The following CNTNAP2 variants were observed in gnomAD, a reference collection of about 807,000 sequenced individuals.
The protein encoded by CNTNAP2 is contactin-associated protein-like 2.
In CNTNAP2, 98 loss-of-function variants were observed where a neutral mutation model predicts 155.2. That is an observed-to-expected ratio of 0.63 (90% CI 0.54 to 0.75). The LOEUF is 0.75. Among genes scored for constraint, CNTNAP2 ranks in the 30% least tolerant of loss-of-function variants. The probability of loss-of-function intolerance (pLI) is 0.00; values close to 1 mark genes in which losing one functional copy is unlikely to be tolerated. For missense variants in CNTNAP2, 1,727 were observed against 1,688.1 expected, an observed-to-expected ratio of 1.02 and a Z score of -0.40; for synonymous variants, 651 against 631.2, an observed-to-expected ratio of 1.03 and a Z score of -0.47.
At chr7:148,289,007 A>G (rs1241685535) in intron 21 of CNTNAP2, among the ~76,000 whole-genome samples, 1 of 151,588 alleles carries the variant, frequency 6.6e-6, no homozygotes, top group Non-Finnish European at 1.5e-5. Context: ...ATTTTTGAAT[A>G]CACAAGAGAA....
intron 10 of CNTNAP2, among the ~76,000 whole-genome samples, chr7:147,474,480 G>C (rs1798281140): frequency 6.6e-6 from 1 of 152,004 alleles, no homozygotes; most frequent in Non-Finnish European, 1.5e-5. Context: ...CTACTCAGGA[G>C]GCTGAGGCAG....
intron 1 of CNTNAP2, among the ~76,000 whole-genome samples, chr7:146,353,731 G>A (rs1794956367): frequency 1.3e-5 from 2 of 151,970 alleles, no homozygotes; most frequent in Non-Finnish European, 2.9e-5. Context: ...CCTGACAAAG[G>A]TAGTAGCAGC....
chr7:146,261,597 C>T (rs899676208), intron 1 of CNTNAP2, among the ~76,000 whole-genome samples: 1 of 152,026 alleles, frequency 6.6e-6, no homozygotes, highest in Admixed American at 6.6e-5. Flanking sequence ...GCTACTACAT[C>T]ACTCTACTCA....
At chr7:146,245,412 T>C (rs1799629535) in intron 1 of CNTNAP2, among the ~76,000 whole-genome samples, 1 of 152,084 alleles carries the variant, frequency 6.6e-6, no homozygotes, top group South Asian at 2.1e-4. Context: ...AGAGAGTAAG[T>C]TGAGCATAGT....
intron 9 of CNTNAP2, among the ~76,000 whole-genome samples, chr7:147,357,485 C>T (rs369644552): frequency 6.6e-6 from 1 of 152,084 alleles, no homozygotes; most frequent in South Asian, 2.1e-4. Context: ...GTTGATCCTA[C>T]ATGCAGCAGC....
chr7:147,446,797 A>G (rs1797747464), intron 10 of CNTNAP2, among the ~76,000 whole-genome samples: 1 of 152,214 alleles, frequency 6.6e-6, no homozygotes, highest in Non-Finnish European at 1.5e-5. Flanking sequence ...CTGGACATTA[A>G]TTATAATAGA....
rs574490679 is a variant in CNTNAP2, at chr7:147,976,579, G to A, written c.2256-1283G>A. ...TGAAAACAATGAAATAACTAAGGCA[G>A]TATATAATGCATTTATTTGAGGCCA... On this transcript the variant is annotated intron_variant, in intron 14 of 23. Coordinates refer to ENST00000361727, the MANE Select transcript of CNTNAP2 (RefSeq NM_014141.6). Among the ~76,000 whole-genome samples the A allele has an allele frequency of 1.2e-3, 177 of 152,318 alleles. 1 individual carries two copies. The highest frequency in any genetic ancestry group is 4.1e-3 in the African/African-American group (172 of 41,582).
intron 11 of CNTNAP2, chr7:147,496,621 GAGCGGTCC>G: frequency 6.6e-6 from 1 of 152,098 alleles, no homozygotes; most frequent in East Asian, 1.9e-4. Flanking sequence ...CTCCCCTCAG[GAGCGGTCC>G]AGCTGTGACT....
chr7:147,447,963 T>C (rs1409155357), intron 10 of CNTNAP2, among the ~76,000 whole-genome samples: 1 of 152,152 alleles, frequency 6.6e-6, no homozygotes, highest in Non-Finnish European at 1.5e-5. Context: ...ACAATTTTTA[T>C]AGGCAAATTA....
chr7:146,618,023 T>TA lies in CNTNAP2; in HGVS notation c.98-156241dup, dbSNP rs942284914. On this transcript the variant is annotated intron_variant, in intron 1 of 23. Transcript: ENST00000361727. The stretch of plus-strand genomic sequence containing the variant: ...TGTATAATCCTTAGGGTTAATTTTT[T>TA]AAAAAAAGTAAAGAAAAATAAAGAA... Among the ~76,000 whole-genome samples the TA allele has an allele frequency of 9.3e-4, 142 of 152,176 alleles. 1 individual carries two copies. Among genetic ancestry groups the TA allele is most frequent in the African/African-American group, 3.1e-3 (128 of 41,490 alleles).
chr7:146,502,972 C>G (rs569508406), intron 1 of CNTNAP2, among the ~76,000 whole-genome samples: 3 of 152,236 alleles, frequency 2.0e-5, no homozygotes, highest in Admixed American at 6.5e-5. Flanking sequence ...GTATTATTTT[C>G]ATATACTTGT....
chr7:147,594,605 C>T (rs1166589543), intron 12 of CNTNAP2, among the ~76,000 whole-genome samples: 2 of 152,114 alleles, frequency 1.3e-5, no homozygotes, highest in East Asian at 1.9e-4. Context: ...CTTCTCCACC[C>T]CTTCCAAGTC....
intron 4 of CNTNAP2, among the ~76,000 whole-genome samples, chr7:147,084,873 G>GTA (rs1011508798): frequency 6.7e-6 from 1 of 149,298 alleles, no homozygotes; most frequent in African/African-American, 2.5e-5. Context: ...GTTTGTGTGT[G>GTA]TATATATATG....
chr7:147,466,622 T>G (rs1433028596), intron 10 of CNTNAP2, among the ~76,000 whole-genome samples: 2 of 152,110 alleles, frequency 1.3e-5, no homozygotes, highest in East Asian at 3.9e-4. Context: ...CATCTGAGCA[T>G]CCTAGAAAAT....
intron 2 of CNTNAP2, among the ~76,000 whole-genome samples, chr7:146,836,477 T>C (rs553137635): frequency 1.1e-4 from 16 of 152,298 alleles, no homozygotes; most frequent in African/African-American, 3.8e-4. Context: ...TGACCCTTGA[T>C]CTAGGGTTTG....
chr7:148,326,288 C>T (rs1402917968), intron 21 of CNTNAP2, among the ~76,000 whole-genome samples: 2 of 152,090 alleles, frequency 1.3e-5, no homozygotes, highest in Admixed American at 6.5e-5. Flanking sequence ...TTCCATCATC[C>T]AGAGGGAAGC....
chr7:147,443,416 G>A (rs960844081), intron 10 of CNTNAP2, among the ~76,000 whole-genome samples: 3 of 152,194 alleles, frequency 2.0e-5, no homozygotes, highest in African/African-American at 7.2e-5. Context: ...GTGTCGTCAT[G>A]GCAATTAGTG....
intron 13 of CNTNAP2, among the ~76,000 whole-genome samples, chr7:147,764,392 C>T (rs1489422835): frequency 6.6e-6 from 1 of 152,206 alleles, no homozygotes; most frequent in Non-Finnish European, 1.5e-5. Flanking sequence ...TGAAAGCACA[C>T]TCCAAATACC....
chr7:147,706,319 C>T (rs183003656), intron 13 of CNTNAP2, among the ~76,000 whole-genome samples: 2 of 151,926 alleles, frequency 1.3e-5, no homozygotes, highest in Admixed American at 6.6e-5. Flanking sequence ...TAGGACCAGG[C>T]TAATGGTAAT....
Sources: allele counts gnomAD v4.1 joint callset (sites outside exome capture counted in the v4.1 genomes callset), GRCh38; gene constraint gnomAD v4.1.1; transcripts MANE v1.5; gene names NCBI Gene and HGNC (gene_info 2026-07-23, HGNC 2026-07-21).